Variants in METTL15 observed in about 807,000 individuals in gnomAD.
The protein encoded by METTL15 is methyltransferase 15, mitochondrial 12S rRNA N4-cytidine.
A neutral mutation model predicts 38.3 loss-of-function variants in METTL15; 34 were observed. That is an observed-to-expected ratio of 0.89 (90% CI 0.68 to 1.18). The LOEUF is 1.18. METTL15 is among the 50% of genes most tolerant of loss of function. METTL15 has a pLI of 0.00. For synonymous variants in METTL15, 162 were observed against 170.9 expected (o/e 0.95, Z 0.41); for missense variants, 438 against 498.4 (o/e 0.88, Z 1.15).
At chr11:28,298,459 A>G (rs916223761) in intron 6 of METTL15, among the ~76,000 whole-genome samples, 1 of 152,122 alleles carries the variant, frequency 6.6e-6, no homozygotes, top group African/African-American at 2.4e-5. Flanking sequence ...GAGGGTCAAT[A>G]GCTTGCAATA....
At chr11:28,503,209 C>G (rs1316257696) in intron 6 of METTL15, among the ~76,000 whole-genome samples, 1 of 152,190 alleles carries the variant, frequency 6.6e-6, no homozygotes, top group African/African-American at 2.4e-5. Flanking sequence ...CTCACTTGTG[C>G]TCACATTTTA....
intron 6 of METTL15, among the ~76,000 whole-genome samples, chr11:28,297,603 G>C (rs973740157): frequency 6.6e-6 from 1 of 152,122 alleles, no homozygotes; most frequent in Non-Finnish European, 1.5e-5. Flanking sequence ...CTTTATTATA[G>C]CCTCTCTGTT....
chr11:28,390,679 T>C (rs1850495663), intron 5 of METTL15, among the ~76,000 whole-genome samples: 1 of 152,214 alleles, frequency 6.6e-6, no homozygotes, highest in South Asian at 2.1e-4. Flanking sequence ...TCCAGCTTTG[T>C]TCTTGTGGCT....
In METTL15 at chr11:28,302,108, T is replaced by G. The variant is rs187309767; in HGVS notation, c.778+5177T>G. On this transcript the variant is annotated intron_variant, in intron 6 of 6. Coordinates refer to ENST00000407364, the MANE Select transcript of METTL15 (RefSeq NM_001113528.2). The stretch of plus-strand genomic sequence containing the variant: ...AATTTTTATTTTTAGAAATAAGGTC[T>G]CACTATATTGACCGTGCTTGTCTCG... 7.9e-4 allele frequency among the ~76,000 whole-genome samples: 120 copies of G among 152,084 alleles called. 1 individual carries two copies. The highest frequency in any genetic ancestry group is 2.1e-3 in the Admixed American group (32 of 15,246).
At chr11:28,529,982 T>A (rs1023833025), downstream of METTL15, among the ~76,000 whole-genome samples, 25 of 152,086 alleles carry the variant, frequency 1.6e-4, no homozygotes, top group Non-Finnish European at 2.8e-4. Context: ...CTGGGGTGGG[T>A]ACTCCTGGTC....
At chr11:28,412,654 A>G (rs937671024) in intron 5 of METTL15, among the ~76,000 whole-genome samples, 1 of 152,072 alleles carries the variant, frequency 6.6e-6, no homozygotes, top group African/African-American at 2.4e-5. Context: ...AAACTATTGC[A>G]TGACTTCACT....
chr11:28,350,563 G>A (rs892423167), intron 3 of METTL15, among the ~76,000 whole-genome samples: 16 of 152,126 alleles, frequency 1.1e-4, no homozygotes, highest in African/African-American at 3.4e-4. Flanking sequence ...AGGACTTTTG[G>A]ATAAGAGCCT....
chr11:28,482,350 T>C (rs921761240), intron 6 of METTL15, among the ~76,000 whole-genome samples: 1 of 152,194 alleles, frequency 6.6e-6, no homozygotes, highest in Non-Finnish European at 1.5e-5. Flanking sequence ...TTTTACTTCC[T>C]AGCTGTAGAT....
chr11:28,493,689 T>C (rs1851514815), intron 6 of METTL15, among the ~76,000 whole-genome samples: 1 of 152,162 alleles, frequency 6.6e-6, no homozygotes, highest in South Asian at 2.1e-4. Context: ...TTTCTAAGGA[T>C]TAGTTGTTCA....
chr11:28,242,339 G>T (rs576645670), intron 4 of METTL15, among the ~76,000 whole-genome samples: 153 of 152,248 alleles, frequency 1.0e-3, no homozygotes, highest in Non-Finnish European at 1.8e-3. Flanking sequence ...ATTTTCCACT[G>T]TATTCTCAGT....
At chr11:28,365,396 A>G (rs1850175914) in intron 5 of METTL15, among the ~76,000 whole-genome samples, 1 of 152,078 alleles carries the variant, frequency 6.6e-6, no homozygotes. Context: ...TCCTGATTCA[A>G]TCTTAGGAGG....
At chr11:28,199,025 T>TCATCC (rs1444092631) in intron 3 of METTL15, among the ~76,000 whole-genome samples, 5 of 151,634 alleles carry the variant, frequency 3.3e-5, no homozygotes, top group African/African-American at 9.7e-5. Flanking sequence ...TCATACTAGC[T>TCATCC]CATCCCTCTC....
intron 3 of METTL15, among the ~76,000 whole-genome samples, chr11:28,141,375 T>C (rs547600929): frequency 6.6e-6 from 1 of 152,168 alleles, no homozygotes; most frequent in Admixed American, 6.5e-5. Context: ...TCAATCTTAG[T>C]TTTTGATAAT....
intron 3 of METTL15, among the ~76,000 whole-genome samples, chr11:28,195,748 A>G (rs1405058482): frequency 6.6e-6 from 1 of 151,836 alleles, no homozygotes; most frequent in Non-Finnish European, 1.5e-5. Flanking sequence ...CTTTTGTTGC[A>G]TTTGCCTTTG....
chr11:28,222,395 G>A (rs138986915), intron 4 of METTL15, among the ~76,000 whole-genome samples: 6 of 152,282 alleles, frequency 3.9e-5, no homozygotes, highest in East Asian at 1.9e-4. Context: ...TGCTAAGACC[G>A]TCAGAAAAGC....
At chr11:28,183,959 T>C (rs1475197723) in intron 3 of METTL15, among the ~76,000 whole-genome samples, 2 of 152,220 alleles carry the variant, frequency 1.3e-5, no homozygotes, top group East Asian at 3.9e-4. Flanking sequence ...TATTCAGGGA[T>C]TCAACTTCTT....
At chr11:28,516,204 T>G (rs1851717968) in intron 6 of METTL15, among the ~76,000 whole-genome samples, 1 of 152,072 alleles carries the variant, frequency 6.6e-6, no homozygotes, top group Non-Finnish European at 1.5e-5. Context: ...GATGGGCTGG[T>G]TGGGGAAAGG....
At chr11:28,154,035 A>G (rs1271132590) in intron 3 of METTL15, among the ~76,000 whole-genome samples, 1 of 152,158 alleles carries the variant, frequency 6.6e-6, no homozygotes, top group African/African-American at 2.4e-5. Flanking sequence ...TGAATTTTCA[A>G]AGTGGGTTCT....
intron 4 of METTL15, among the ~76,000 whole-genome samples, chr11:28,289,780 T>C (rs1001775496): frequency 6.6e-6 from 1 of 152,162 alleles, no homozygotes; most frequent in Non-Finnish European, 1.5e-5. Context: ...TTTGAACATA[T>C]TTGACATCTT....
Sources: gnomAD v4.1 joint callset for allele counts (sites outside exome capture counted in the v4.1 genomes callset) on GRCh38, gnomAD v4.1.1 for gene constraint, MANE v1.5 for transcripts, NCBI Gene and HGNC (gene_info 2026-07-23, HGNC 2026-07-21) for gene names.